GREM2: variants seen among roughly 807,000 people sequenced by gnomAD.
GREM2 encodes gremlin-2.
In GREM2, 11 loss-of-function variants were observed where a neutral mutation model predicts 14.2. The ratio of observed to expected loss-of-function variants is 0.78; its 90% CI spans 0.49 to 1.28. The LOEUF is 1.28. Ranked by LOEUF, GREM2 falls within the 50% of genes most tolerant of loss-of-function variation. The pLI is 0.00. For missense variants in GREM2, 210 were observed against 218.5 expected (o/e 0.96, Z 0.24); for synonymous variants, 98 against 97.6 (o/e 1.00, Z -0.02).
At chr1:240,524,599 C>T (rs1237858942) in intron 1 of GREM2, among the ~76,000 whole-genome samples, 1 of 152,130 alleles carries the variant, frequency 6.6e-6, no homozygotes, top group East Asian at 1.9e-4. Flanking sequence ...ACAAATTCCC[C>T]AGGGACCTGA....
At chr1:240,526,783 A>G (rs1167258896) in intron 1 of GREM2, among the ~76,000 whole-genome samples, 3 of 152,234 alleles carry the variant, frequency 2.0e-5, no homozygotes, top group Non-Finnish European at 2.9e-5. Flanking sequence ...TGCTTTAGTG[A>G]AAGTCCTTCA....
At chr1:240,567,173 A>C (rs917563779) in intron 1 of GREM2, among the ~76,000 whole-genome samples, 1 of 152,174 alleles carries the variant, frequency 6.6e-6, no homozygotes, top group African/African-American at 2.4e-5. Context: ...AAATAATTTT[A>C]AAAAATACAA....
rs978846557 is a variant in GREM2, at chr1:240,490,686, T to A, written c.*2283A>T. On this transcript the variant is annotated 3_prime_UTR_variant, in exon 2 of 2. Coordinates refer to ENST00000318160, the MANE Select transcript of GREM2 (RefSeq NM_022469.4). Reference sequence around the variant, plus strand: ...TTCACACTGCAGCATATCATATTGCTTTCATTGCTACACCCACAATTGGGT... The same window carrying A: ...TTCACACTGCAGCATATCATATTGCATTCATTGCTACACCCACAATTGGGT... 1 of 152,392 alleles carries A rather than the reference T, an allele frequency of 6.6e-6. No individual in the cohort carries two copies. Among genetic ancestry groups the A allele is most frequent in the African/African-American group, 2.4e-5 (1 of 41,452 alleles). 9.4% of individuals were successfully genotyped at this position (152,392 alleles called of 1,614,324 possible).
intron 1 of GREM2, among the ~76,000 whole-genome samples, chr1:240,555,607 G>T (rs1419428657): frequency 6.6e-6 from 1 of 152,192 alleles, no homozygotes; most frequent in Non-Finnish European, 1.5e-5. Context: ...TGAAAATTGT[G>T]CATTAACTAG....
chr1:240,585,886 G>C (rs1340298742), intron 1 of GREM2, among the ~76,000 whole-genome samples: 1 of 151,898 alleles, frequency 6.6e-6, no homozygotes, highest in Non-Finnish European at 1.5e-5. Context: ...TGAAGGGAAA[G>C]GAAGCTTGTG....
In GREM2 at chr1:240,543,094, T is replaced by G. The variant is rs995082477; in HGVS notation, c.-1-49618A>C. The stretch of plus-strand genomic sequence containing the variant: ...CTCCTTCTGAGGTTTCAAAAGCATT[T>G]CCTCGATCACTCTGTCATGATTATT... On this transcript the variant is annotated intron_variant, in intron 1 of 1. Transcript: ENST00000318160. This position sits in a 1 kb window ranked among gnomAD's most constrained non-coding sequence, Gnocchi z 6.4. Among the ~76,000 whole-genome samples, 4 of 152,216 alleles carry G rather than the reference T, an allele frequency of 2.6e-5. No individual in the cohort carries two copies. Among genetic ancestry groups the G allele is most frequent in the East Asian group, 3.9e-4 (2 of 5,184 alleles).
chr1:240,508,734 ACTTT>A lies in GREM2; in HGVS notation c.-1-15262_-1-15259del, dbSNP rs530112439. On this transcript the variant is annotated intron_variant, in intron 1 of 1. Coordinates refer to ENST00000318160, the MANE Select transcript of GREM2 (RefSeq NM_022469.4). ...GTATGCAACACAAATTCAATAAACG[ACTTT>A]CTTTTTCTTTTATAAGTGGATCTCA... is the stretch of plus-strand genomic sequence containing the variant. Among the ~76,000 whole-genome samples the A allele has an allele frequency of 2.6e-4, 39 of 152,306 alleles. 1 individual carries two copies. The East Asian group carries it at 7.3e-3, about 29-fold the overall frequency.
intron 1 of GREM2, among the ~76,000 whole-genome samples, chr1:240,495,799 C>T (rs1390759358): frequency 2.6e-5 from 4 of 152,162 alleles, no homozygotes; most frequent in African/African-American, 9.7e-5. Context: ...GTCTAAACCA[C>T]AAGAGGCCTT....
chr1:240,596,125 A>G (rs80350480), intron 1 of GREM2, among the ~76,000 whole-genome samples: 1,728 of 152,216 alleles, frequency 0.011, 29 homozygotes, highest in African/African-American at 0.039. Flanking sequence ...GGTAGGCATT[A>G]TTTTTGTTGT....
rs954972055 is a variant in GREM2, at chr1:240,493,038, G to C, written c.438C>G (p.Leu146=). 2.5e-6 allele frequency: 4 copies of C among 1,601,630 alleles called. No individual in the cohort carries two copies. The highest frequency in any genetic ancestry group is 1.3e-5 in the African/African-American group (1 of 74,782). Residue 146 remains leucine (L), a synonymous_variant, in exon 2 of 2, where the codon CTC becomes CTG. Coordinates refer to ENST00000318160, the MANE Select transcript of GREM2 (RefSeq NM_022469.4). ...ACTGCTTCACCTTCTGGATTTTCTTGAGTCGGAAGGGTGGGTCCAGGCCGG... is the reference window on the plus strand; with the variant it reads ...ACTGCTTCACCTTCTGGATTTTCTTCAGTCGGAAGGGTGGGTCCAGGCCGG... ...ECPGLDPPFR[L]KKIQKVKQCR... is the part of the protein sequence containing the mutation.
intron 1 of GREM2, among the ~76,000 whole-genome samples, chr1:240,608,798 G>A (rs1680079548): frequency 6.6e-6 from 1 of 152,192 alleles, no homozygotes; most frequent in African/African-American, 2.4e-5. Context: ...TAAGACTCTA[G>A]AGTTGGCTCT....
intron 1 of GREM2, among the ~76,000 whole-genome samples, chr1:240,527,320 C>T (rs1678247114): frequency 6.6e-6 from 1 of 152,176 alleles, no homozygotes. Flanking sequence ...TTATAGGACT[C>T]ACTGGGAGTC....
At chr1:240,584,494 CAAAAA>C (rs35785335) in intron 1 of GREM2, among the ~76,000 whole-genome samples, 2 of 73,838 alleles carry the variant, frequency 2.7e-5, no homozygotes, top group Non-Finnish European at 6.2e-5. Flanking sequence ...GACTCCATCT[CAAAAA>C]AAAAAAAAAA....
At chr1:240,605,663 G>A (rs1680010833) in intron 1 of GREM2, among the ~76,000 whole-genome samples, 1 of 151,780 alleles carries the variant, frequency 6.6e-6, no homozygotes, top group Non-Finnish European at 1.5e-5. Flanking sequence ...AGAATTTTCA[G>A]TAATCTTATC....
chr1:240,538,839 T>C (rs1678532876), intron 1 of GREM2, among the ~76,000 whole-genome samples: 1 of 152,218 alleles, frequency 6.6e-6, no homozygotes, highest in Non-Finnish European at 1.5e-5. Flanking sequence ...CGTGTGGGTG[T>C]CTCTCCCAAA....
chr1:240,606,342 A>G (rs1299032741), intron 1 of GREM2, among the ~76,000 whole-genome samples: 2 of 152,244 alleles, frequency 1.3e-5, no homozygotes, highest in African/African-American at 4.8e-5. Flanking sequence ...ACTCCAGTGG[A>G]AAAAATATCT....
chr1:240,520,694 T>C (rs1000708958), intron 1 of GREM2, among the ~76,000 whole-genome samples: 2 of 151,762 alleles, frequency 1.3e-5, no homozygotes, highest in Non-Finnish European at 2.9e-5. Context: ...AGGCACGTGC[T>C]ACCATGCCCA....
At chr1:240,510,203 A>G (rs992921716) in intron 1 of GREM2, among the ~76,000 whole-genome samples, 3 of 151,810 alleles carry the variant, frequency 2.0e-5, no homozygotes, top group African/African-American at 7.3e-5. Flanking sequence ...CCCCGTCTCC[A>G]CTAAAAATAC....
At chr1:240,533,173 T>C (rs977130440) in intron 1 of GREM2, among the ~76,000 whole-genome samples, 1 of 151,892 alleles carries the variant, frequency 6.6e-6, no homozygotes, top group African/African-American at 2.4e-5. Flanking sequence ...GATCTGGGAG[T>C]AGAGACTGGG....
Sources: gnomAD v4.1 joint callset for allele counts (sites outside exome capture counted in the v4.1 genomes callset) on GRCh38, gnomAD v4.1.1 for gene constraint, Gnocchi (gnomAD v3.1) non-coding constraint, MANE v1.5 for transcripts, NCBI Gene and HGNC (gene_info 2026-07-23, HGNC 2026-07-21) for gene names.